CAMK1G: variants seen among roughly 807,000 people sequenced by gnomAD.
CAMK1G encodes the protein calcium/calmodulin-dependent protein kinase type 1G.
A neutral mutation model predicts 54.8 loss-of-function variants in CAMK1G; 27 were observed. The observed-to-expected ratio is 0.49, with a 90% CI of 0.36 to 0.68. The LOEUF is 0.68. Among genes scored for constraint, CAMK1G ranks in the 30% least tolerant of loss-of-function variants. The pLI is 0.00. For synonymous variants in CAMK1G, 238 were observed against 224.9 expected (o/e 1.06, Z -0.52); for missense variants, 512 against 591.0 (o/e 0.87, Z 1.39).
At chr1:209,595,188 C>T in intron 2 of CAMK1G, 113 bp downstream of exon 2, 1 of 744,812 alleles carries the variant, frequency 1.3e-6, no homozygotes, top group Non-Finnish European at 2.3e-6. Context: ...GCTGTGACTT[C>T]ATTTCGATTT....
At chr1:209,596,943 T>C (rs1165355267) in intron 2 of CAMK1G, among the ~76,000 whole-genome samples, 1 of 152,212 alleles carries the variant, frequency 6.6e-6, no homozygotes, top group Non-Finnish European at 1.5e-5. Flanking sequence ...CAGGAATCTA[T>C]ATTTTAAGTG....
intron 4 of CAMK1G, among the ~76,000 whole-genome samples, chr1:209,604,787 G>A (rs1665607480): frequency 6.6e-6 from 1 of 152,180 alleles, no homozygotes; most frequent in East Asian, 1.9e-4. Flanking sequence ...GTCCCGATGG[G>A]TGGAATTGGT....
At chr1:209,590,428 A>G (rs954025186) in intron 1 of CAMK1G, among the ~76,000 whole-genome samples, 2 of 152,236 alleles carry the variant, frequency 1.3e-5, no homozygotes, top group African/African-American at 4.8e-5. Context: ...TGCACTGAAG[A>G]TGGAACTAAA....
At chr1:209,607,685 T>G (rs1665684835) in intron 6 of CAMK1G, 173 bp from the exon 7 acceptor site, 1 of 563,318 alleles carries the variant, frequency 1.8e-6, no homozygotes, top group Non-Finnish European at 3.2e-6. Context: ...TCAGGAAGAT[T>G]TAGTCTTCCC....
intron 1 of CAMK1G, among the ~76,000 whole-genome samples, chr1:209,584,342 C>A (rs1469535177): frequency 6.6e-6 from 1 of 152,204 alleles, no homozygotes; most frequent in Admixed American, 6.5e-5. Context: ...CAGCCTCAGT[C>A]CCTCCTGGAG....
intron 1 of CAMK1G, among the ~76,000 whole-genome samples, chr1:209,587,926 C>T (rs1665142624): frequency 6.6e-6 from 1 of 152,306 alleles, no homozygotes; most frequent in South Asian, 2.1e-4. Context: ...TAGAGATGAT[C>T]CAACTGATAA....
chr1:209,609,862 A>G lies in CAMK1G; in HGVS notation c.760A>G (p.Ile254Val). The G allele has an allele frequency of 6.2e-7, 1 of 1,613,992 alleles. No individual in the cohort carries two copies. The highest frequency in any genetic ancestry group is 8.5e-7 in the Non-Finnish European group (1 of 1,179,982). The change falls in exon 9 of 13, where the codon ATT becomes GTT. Residue 254 changes from isoleucine (I) to valine (V), a missense_variant. Coordinates refer to ENST00000361322, the MANE Select transcript of CAMK1G (RefSeq NM_020439.3). Reference protein sequence around the residue: ...DDISESAKDFICHLLEKDPNE... With the variant: ...DDISESAKDFVCHLLEKDPNE... ...ATTACTCCCCTTAGCCAAGGACTTT[A>G]TTTGCCACTTGCTTGAGAAGGATCC... is the stretch of plus-strand genomic sequence containing the variant.
At chr1:209,611,683 T>G in intron 10 of CAMK1G, 109 bp from the exon 11 acceptor site, 1 of 1,484,012 alleles carries the variant, frequency 6.7e-7, no homozygotes, top group South Asian at 1.2e-5. Context: ...CTCTCTGAAA[T>G]GAGAAGTGGG....
chr1:209,608,160 C>T (rs1048037667), intron 7 of CAMK1G, among the ~76,000 whole-genome samples: 4 of 152,194 alleles, frequency 2.6e-5, no homozygotes, highest in African/African-American at 9.7e-5. Flanking sequence ...TAAAACAGAG[C>T]TCAGCGTGAA....
chr1:209,612,621 G>A (rs557728757), intron 11 of CAMK1G, 164 bp from the exon 12 acceptor site: 1 of 169,878 alleles, frequency 5.9e-6, no homozygotes, highest in African/African-American at 2.4e-5. Flanking sequence ...GTGTAGGGGG[G>A]CTTGGTTATC....
chr1:209,609,338 G>T (rs75479930), intron 8 of CAMK1G, among the ~76,000 whole-genome samples: 2,580 of 152,302 alleles, frequency 0.017, 62 homozygotes, highest in African/African-American at 0.058. Context: ...GAGATGGGGG[G>T]GCAGTTTAGA....
Position 209,609,013 on chromosome 1 carries a change from G to A in CAMK1G, c.669G>A (p.Thr223=), listed in dbSNP as rs147278175. The stretch of plus-strand genomic sequence containing the variant: ...GATACCCCCCATTCTATGAAGAAAC[G>A]GAGTCTAAGCTTTTCGAGAAGATCA... ...LCGYPPFYEE[T]ESKLFEKIKE... The change falls in exon 8 of 13, where the codon ACG becomes ACA. Residue 223 remains threonine (T), a synonymous_variant. Coordinates refer to ENST00000361322, the MANE Select transcript of CAMK1G (RefSeq NM_020439.3). 537 of 1,614,128 alleles carry A rather than the reference G, an allele frequency of 3.3e-4. 6 individuals carry two copies. The Admixed American group carries it at 8.2e-3, about 25-fold the overall frequency.
chr1:209,596,690 C>T (rs1665399158), intron 2 of CAMK1G, among the ~76,000 whole-genome samples: 2 of 151,038 alleles, frequency 1.3e-5, no homozygotes, highest in Non-Finnish European at 2.9e-5. Flanking sequence ...CACACACACA[C>T]ACACACACAC....
chr1:209,611,316 A>T, intron 9 of CAMK1G, 149 bp from the exon 10 acceptor site: 1 of 673,870 alleles, frequency 1.5e-6, no homozygotes, highest in Non-Finnish European at 2.6e-6. Flanking sequence ...GGCACAGAGG[A>T]GACCTGCTTG....
At chr1:209,585,784 G>A (rs1367998613) in intron 1 of CAMK1G, among the ~76,000 whole-genome samples, 1 of 152,260 alleles carries the variant, frequency 6.6e-6, no homozygotes. Flanking sequence ...ATTGCCACAC[G>A]AGTGCGCGCG....
rs150775445 is a variant in CAMK1G, at chr1:209,607,913, C to T, written c.615C>T (p.Ile205=). The change falls in exon 7 of 13, where the codon ATC becomes ATT. Residue 205 remains isoleucine (I), a synonymous_variant. Coordinates refer to ENST00000361322, the MANE Select transcript of CAMK1G (RefSeq NM_020439.3). ...GCAAGGCTGTGGATTGCTGGTCCAT[C>T]GGCGTCATCACCTACATATTGTGAG... ...PYSKAVDCWS[I]GVITYILLCG... The T allele has an allele frequency of 2.5e-5, 41 of 1,613,392 alleles. No individual in the cohort carries two copies. The highest frequency in any genetic ancestry group is 1.0e-5 in the Non-Finnish European group (12 of 1,179,728).
At chr1:209,609,563 G>A (rs1200265680) in intron 8 of CAMK1G, among the ~76,000 whole-genome samples, 2 of 152,222 alleles carry the variant, frequency 1.3e-5, no homozygotes, top group Non-Finnish European at 2.9e-5. Context: ...CCCTGTTTCA[G>A]TGCAAACACA....
chr1:209,591,913 C>T (rs751327035), intron 1 of CAMK1G, among the ~76,000 whole-genome samples: 1 of 152,178 alleles, frequency 6.6e-6, no homozygotes, highest in Non-Finnish European at 1.5e-5. Flanking sequence ...AGCCAGCTGG[C>T]CGTGACCTGC....
Position 209,612,166 on chromosome 1 carries a change from G to T in CAMK1G, c.1290G>T (p.Lys430Asn). ...SSCLNIGSKG[K>N]SSYCSEPTLL... is the part of the protein sequence containing the mutation. Reference sequence around the variant, plus strand: ...GCCTGAACATTGGGAGCAAAGGAAAGTCCTCCTACTGCTCTGAGCCCACAC... The same window carrying T: ...GCCTGAACATTGGGAGCAAAGGAAATTCCTCCTACTGCTCTGAGCCCACAC... The change falls in exon 11 of 13, where the codon AAG becomes AAT. Residue 430 changes from lysine to asparagine, a missense_variant. Lys to Asn is a moderately conservative substitution (Grantham distance 94, BLOSUM62 0). Around this residue, in one of 3 missense-constraint regions of CAMK1G, gnomAD observed 315 missense variants for 330.5 expected, o/e 0.95. Transcript: ENST00000361322. The T allele has an allele frequency of 6.2e-7, 1 of 1,614,172 alleles. No individual in the cohort carries two copies. The highest frequency in any genetic ancestry group is 8.5e-7 in the Non-Finnish European group (1 of 1,180,040).
Sources: allele counts gnomAD v4.1 joint callset (sites outside exome capture counted in the v4.1 genomes callset), GRCh38; gene constraint gnomAD v4.1.1; regional missense constraint gnomAD v4.1.1; transcripts MANE v1.5; gene names NCBI Gene and HGNC (gene_info 2026-07-23, HGNC 2026-07-21).